IGF2BP2: variants seen among roughly 807,000 people sequenced by gnomAD.
The protein encoded by IGF2BP2 is insulin like growth factor 2 mRNA binding protein 2.
Under a neutral mutation model 75.8 loss-of-function variants are expected in IGF2BP2, and 17 were observed. That is an observed-to-expected ratio of 0.22 (90% CI 0.15 to 0.34). The LOEUF (loss-of-function observed/expected upper bound fraction) is 0.34. Ranked by LOEUF, IGF2BP2 falls within the 10% of genes least tolerant of loss-of-function variation. The pLI is 1.00. For synonymous variants in IGF2BP2, 288 were observed against 295.6 expected (o/e 0.97, Z 0.26); for missense variants, 516 against 772.4 (o/e 0.67, Z 3.93).
At chr3:185,678,876 G>A (rs899506360) in intron 7 of IGF2BP2, among the ~76,000 whole-genome samples, 3 of 152,050 alleles carry the variant, frequency 2.0e-5, no homozygotes, top group Admixed American at 6.6e-5. Flanking sequence ...ATTGTATAAC[G>A]TCCCTCTTTG....
intron 10 of IGF2BP2, among the ~76,000 whole-genome samples, chr3:185,668,937 GT>G (rs898263091): frequency 1.2e-4 from 19 of 152,154 alleles, no homozygotes; most frequent in African/African-American, 4.3e-4. Context: ...GCAAGTGACA[GT>G]GTAGAAATTC....
In IGF2BP2 at chr3:185,811,826, G is replaced by C. The variant is rs546361538; in HGVS notation, c.239+11327C>G. On this transcript the variant is annotated intron_variant, in intron 2 of 15. Transcript: ENST00000382199. Reference sequence around the variant, plus strand: ...ATGGCAGGGGACGGTGCTCAGAGTAGGGTGTCTCTCTCTCTCTCTCTCTCT... The same window carrying C: ...ATGGCAGGGGACGGTGCTCAGAGTACGGTGTCTCTCTCTCTCTCTCTCTCT... 1.1e-4 allele frequency among the ~76,000 whole-genome samples: 15 copies of C among 130,534 alleles called. No homozygotes were observed. In the East Asian group the frequency reaches 3.4e-3, roughly 30 times the overall value. The allele number at this position is 130,534 out of a possible 152,430, so 85.6% of individuals were successfully genotyped here. A position where few individuals can be genotyped will look rare whatever the true frequency, so the allele number is the denominator to read the frequency against.
chr3:185,702,349 T>C (rs980868876), intron 2 of IGF2BP2, among the ~76,000 whole-genome samples: 1 of 152,082 alleles, frequency 6.6e-6, no homozygotes, highest in African/African-American at 2.4e-5. Flanking sequence ...GTTTCCCTCC[T>C]TCCTTTAGAC....
intron 2 of IGF2BP2, among the ~76,000 whole-genome samples, chr3:185,764,678 C>T (rs1201874061): frequency 6.6e-6 from 1 of 152,150 alleles, no homozygotes; most frequent in Admixed American, 6.5e-5. Context: ...TAAAAATAGG[C>T]AATTACCACA....
intron 2 of IGF2BP2, among the ~76,000 whole-genome samples, chr3:185,720,895 A>C (rs912205674): frequency 6.6e-6 from 1 of 152,210 alleles, no homozygotes; most frequent in African/African-American, 2.4e-5. Flanking sequence ...GTAGTCGAAA[A>C]CAGTCAACTC....
chr3:185,680,691 C>T (rs1720245923), intron 7 of IGF2BP2, among the ~76,000 whole-genome samples: 1 of 152,118 alleles, frequency 6.6e-6, no homozygotes, highest in Admixed American at 6.5e-5. Context: ...TGCCTGTAAT[C>T]CCATCACTTT....
chr3:185,695,106 G>A (rs1455844592), intron 4 of IGF2BP2, among the ~76,000 whole-genome samples: 1 of 152,006 alleles, frequency 6.6e-6, no homozygotes, highest in Admixed American at 6.6e-5. Context: ...AGCAGGGGGA[G>A]TCTTCTTTCC....
chr3:185,787,636 G>C (rs1452721610), intron 2 of IGF2BP2, among the ~76,000 whole-genome samples: 1 of 152,066 alleles, frequency 6.6e-6, no homozygotes, highest in Non-Finnish European at 1.5e-5. Context: ...AGGAGGCCGT[G>C]GCCCGAGAAT....
chr3:185,716,948 G>T, intron 2 of IGF2BP2: 1 of 407,782 alleles, frequency 2.5e-6, no homozygotes, highest in South Asian at 1.9e-5. Context: ...CGCCTTCTGT[G>T]ATTTTCTCAT....
At chr3:185,812,291 C>A (rs1337322594) in intron 2 of IGF2BP2, among the ~76,000 whole-genome samples, 1 of 152,170 alleles carries the variant, frequency 6.6e-6, no homozygotes, top group Non-Finnish European at 1.5e-5. Context: ...TCCCGTGTCA[C>A]CATGCCCATC....
chr3:185,679,609 G>GT (rs943310861), intron 7 of IGF2BP2, among the ~76,000 whole-genome samples: 1 of 151,628 alleles, frequency 6.6e-6, no homozygotes. Context: ...TTATTTTAAC[G>GT]TTTTTTCGTT....
In IGF2BP2 at chr3:185,801,867, G is replaced by A. The variant is rs572100808; in HGVS notation, c.239+21286C>T. Among the ~76,000 whole-genome samples the A allele has an allele frequency of 1.2e-4, 18 of 152,090 alleles. No homozygotes were observed. In the South Asian group the frequency reaches 3.3e-3, roughly 28 times the overall value. On this transcript the variant is annotated intron_variant, in intron 2 of 15. Coordinates refer to ENST00000382199, the MANE Select transcript of IGF2BP2 (RefSeq NM_006548.6). ...AAGAGTGAGTTCATATCCTTTGCAG[G>A]GACATGGATGAAGCTGGAAGCCATC...
chr3:185,710,900 C>A (rs1408523777), intron 2 of IGF2BP2, among the ~76,000 whole-genome samples: 5 of 151,224 alleles, frequency 3.3e-5, no homozygotes, highest in Non-Finnish European at 5.9e-5. Flanking sequence ...AAAAAAAAAA[C>A]CACTTCGTAG....
intron 2 of IGF2BP2, among the ~76,000 whole-genome samples, chr3:185,808,725 A>ATTTTTTT (rs71164545): frequency 7.1e-6 from 1 of 141,030 alleles, no homozygotes; most frequent in African/African-American, 2.6e-5. Flanking sequence ...ACACCTGGCT[A>ATTTTTTT]TTTTTTTTTT....
chr3:185,735,271 G>A (rs925599483), intron 2 of IGF2BP2, among the ~76,000 whole-genome samples: 6 of 151,236 alleles, frequency 4.0e-5, no homozygotes, highest in East Asian at 3.9e-4. Context: ...TCAGCCTCCC[G>A]AGTAGCTGGG....
chr3:185,757,866 G>A (rs1043387878), intron 2 of IGF2BP2, among the ~76,000 whole-genome samples: 1 of 152,166 alleles, frequency 6.6e-6, no homozygotes, highest in East Asian at 1.9e-4. Context: ...TTTCTGATTG[G>A]TGGTTACAGA....
intron 2 of IGF2BP2, among the ~76,000 whole-genome samples, chr3:185,706,242 T>C (rs907232284): frequency 2.0e-5 from 3 of 152,114 alleles, no homozygotes; most frequent in African/African-American, 7.2e-5. Context: ...ATACTATTCA[T>C]TTTTTAATTA....
chr3:185,665,844 G>GT (rs1275808685), intron 10 of IGF2BP2, among the ~76,000 whole-genome samples: 1 of 152,188 alleles, frequency 6.6e-6, no homozygotes, highest in Non-Finnish European at 1.5e-5. Context: ...GCACATGCCT[G>GT]TAGTCCCAGC....
chr3:185,725,975 A>AC, intron 2 of IGF2BP2, among the ~76,000 whole-genome samples: 1 of 152,180 alleles, frequency 6.6e-6, no homozygotes, highest in Non-Finnish European at 1.5e-5. Context: ...ATAAATTAAT[A>AC]AATTAATTAC....
Sources: allele counts gnomAD v4.1 joint callset (sites outside exome capture counted in the v4.1 genomes callset), GRCh38; gene constraint gnomAD v4.1.1; transcripts MANE v1.5; gene names NCBI Gene and HGNC (gene_info 2026-07-23, HGNC 2026-07-21).